Variants in PTPRZ1 observed in about 807,000 individuals in gnomAD.
PTPRZ1 encodes receptor-type tyrosine-protein phosphatase zeta.
Under a neutral mutation model 214.1 loss-of-function variants are expected in PTPRZ1, and 82 were observed. The observed-to-expected ratio is 0.38, with a 90% confidence interval of 0.32 to 0.46. The LOEUF (loss-of-function observed/expected upper bound fraction) is 0.46, where lower values mean the gene tolerates loss of function less well. PTPRZ1 is among the 20% of genes least tolerant of loss of function. The probability of loss-of-function intolerance (pLI) is 1.00; values close to 1 mark genes in which losing one functional copy is unlikely to be tolerated. For synonymous variants in PTPRZ1, 945 were observed against 987.9 expected (o/e 0.96, Z 0.81); for missense variants, 2,603 against 2,748.7 (o/e 0.95, Z 1.19).
At chr7:121,898,855 A>G (rs2116252718) in intron 1 of PTPRZ1, among the ~76,000 whole-genome samples, 1 of 152,332 alleles carries the variant, frequency 6.6e-6, no homozygotes, top group South Asian at 2.1e-4. Context: ...GAAAAAAGCT[A>G]GAACAGAGTG....
intron 6 of PTPRZ1, among the ~76,000 whole-genome samples, chr7:121,982,202 A>G (rs1797634417): frequency 6.6e-6 from 1 of 152,170 alleles, no homozygotes; most frequent in Admixed American, 6.6e-5. Context: ...TCAAATGATC[A>G]TATTTTTCTC....
intron 2 of PTPRZ1, among the ~76,000 whole-genome samples, chr7:121,958,471 A>T (rs1410986885): frequency 6.6e-6 from 1 of 152,208 alleles, no homozygotes; most frequent in Non-Finnish European, 1.5e-5. Flanking sequence ...AGTGCTTTCC[A>T]CCATCTTATC....
At chr7:121,940,336 G>T (rs1233584011) in intron 2 of PTPRZ1, among the ~76,000 whole-genome samples, 1 of 152,128 alleles carries the variant, frequency 6.6e-6, no homozygotes, top group African/African-American at 2.4e-5. Flanking sequence ...CTCCAAGAGG[G>T]GTACAGCTTC....
chr7:121,873,472 A>G lies in PTPRZ1; in HGVS notation c.-28A>G. On this transcript the variant is annotated 5_prime_UTR_variant, in exon 1 of 30. Transcript: ENST00000393386. ...CCACTCTGAGAAGCAGAGGAGCCGC[A>G]CGGCGAGGGGCCGCAGACCGTCTGG... The G allele has an allele frequency of 6.2e-7, 1 of 1,612,998 alleles. No individual in the cohort carries two copies. Among genetic ancestry groups the G allele is most frequent in the Non-Finnish European group, 8.5e-7 (1 of 1,179,766 alleles).
intron 11 of PTPRZ1, among the ~76,000 whole-genome samples, chr7:122,008,355 G>T (rs1049005671): frequency 1.3e-5 from 2 of 152,040 alleles, no homozygotes; most frequent in Non-Finnish European, 2.9e-5. Flanking sequence ...AGAGAGATCA[G>T]AGTTGATTTA....
chr7:121,887,429 C>T (rs561437805), intron 1 of PTPRZ1, among the ~76,000 whole-genome samples: 1 of 152,104 alleles, frequency 6.6e-6, no homozygotes, highest in Non-Finnish European at 1.5e-5. Context: ...GAATTCAGTT[C>T]ACCCTCAAAT....
intron 29 of PTPRZ1, among the ~76,000 whole-genome samples, 160 bp downstream of exon 29, chr7:122,060,048 A>T (rs550506931): frequency 6.6e-6 from 1 of 152,292 alleles, no homozygotes; most frequent in Non-Finnish European, 1.5e-5. Flanking sequence ...TAGAACAACA[A>T]CATTTAAAAT....
chr7:122,014,772 T>C lies in PTPRZ1; in HGVS notation c.4843+883T>C, dbSNP rs181132211. Among the ~76,000 whole-genome samples the C allele has an allele frequency of 4.1e-3, 617 of 152,316 alleles. 1 individual carries two copies. The highest frequency in any genetic ancestry group is 0.01 in the Admixed American group (154 of 15,292). ...TTTATGTATTTATTTATTTATTTAG[T>C]TTTATTACTAAGTTTTGAGAGTTAA... On this transcript the variant is annotated intron_variant, in intron 12 of 29. Transcript: ENST00000393386.
At chr7:121,985,990 C>T (rs927596457) in intron 8 of PTPRZ1, among the ~76,000 whole-genome samples, 2 of 152,202 alleles carry the variant, frequency 1.3e-5, no homozygotes, top group African/African-American at 2.4e-5. Context: ...ACTCCATTTC[C>T]ACATAATAAA....
At chr7:121,978,485 A>T (rs2116550527) in intron 6 of PTPRZ1, among the ~76,000 whole-genome samples, 1 of 152,310 alleles carries the variant, frequency 6.6e-6, no homozygotes, top group East Asian at 1.9e-4. Context: ...TGGCAGCATG[A>T]GAGAGAGAAT....
intron 1 of PTPRZ1, among the ~76,000 whole-genome samples, chr7:121,903,768 AAGAG>A (rs1795037331): frequency 6.6e-6 from 1 of 152,204 alleles, no homozygotes; most frequent in African/African-American, 2.4e-5. Context: ...AAGCAAGAAG[AAGAG>A]AGTTAATCCT....
chr7:122,038,767 C>T lies in PTPRZ1; in HGVS notation c.5380C>T (p.Pro1794Ser). 6.2e-7 allele frequency: 1 copy of T among 1,613,480 alleles called. No individual in the cohort carries two copies. Among genetic ancestry groups the T allele is most frequent in the South Asian group, 1.1e-5 (1 of 91,056 alleles). The change falls in exon 19 of 30, where the codon CCA (proline) becomes TCA (serine). Residue 1794 changes from proline (P) to serine (S), a missense_variant. Coordinates refer to ENST00000393386, the MANE Select transcript of PTPRZ1 (RefSeq NM_002851.3). ...TTTAATTCTTCAGGGCTACAACAGA[C>T]CAAAAGCTTATATTGCTGCCCAAGG... is the stretch of plus-strand genomic sequence containing the variant. ...NANYVDGYNR[P>S]KAYIAAQGPL...
At chr7:121,938,428 G>C (rs917777998) in intron 2 of PTPRZ1, among the ~76,000 whole-genome samples, 2 of 152,204 alleles carry the variant, frequency 1.3e-5, no homozygotes, top group African/African-American at 4.8e-5. Context: ...GACTATTTGT[G>C]TTACCCTATT....
At chr7:122,045,728 C>CA (rs997882909) in intron 23 of PTPRZ1, among the ~76,000 whole-genome samples, 3 of 145,894 alleles carry the variant, frequency 2.1e-5, no homozygotes, top group African/African-American at 7.5e-5. Context: ...TTACCCATTT[C>CA]AAAAAAACTC....
chr7:121,968,204 A>C, intron 3 of PTPRZ1, 74 bp downstream of exon 3: 1 of 1,343,226 alleles, frequency 7.4e-7, no homozygotes, highest in Non-Finnish European at 1.0e-6. Flanking sequence ...GTTTCATCTC[A>C]TTTTCCTTTG....
chr7:122,012,756 A>C lies in PTPRZ1; in HGVS notation c.3710A>C (p.His1237Pro), dbSNP rs779390929. ...TCTGCTTCAAGTGAAAACATGCTGC[A>C]CTCTACATCTGTACCAGTTTTTGAT... is the stretch of plus-strand genomic sequence containing the variant. ...SNSASSENML[H>P]STSVPVFDVS... is the part of the protein sequence containing the mutation. Residue 1237 changes from histidine (H) to proline (P), a missense_variant, in exon 12 of 30, where the codon CAC (histidine) becomes CCC (proline). This residue lies in a region of PTPRZ1 where 1,913 missense variants were observed against 1,914.3 expected (regional missense o/e 1.00). Transcript: ENST00000393386. 29 of 1,610,670 alleles carry C rather than the reference A, an allele frequency of 1.8e-5. No homozygotes were observed. Among genetic ancestry groups the C allele is most frequent in the Non-Finnish European group, 2.4e-5 (28 of 1,177,096 alleles).
intron 12 of PTPRZ1, among the ~76,000 whole-genome samples, chr7:122,015,987 G>T (rs1252692414): frequency 1.3e-5 from 2 of 151,994 alleles, no homozygotes; most frequent in African/African-American, 2.4e-5. Context: ...TTTATCAAAT[G>T]CATGCAGACT....
intron 22 of PTPRZ1, among the ~76,000 whole-genome samples, chr7:122,043,182 T>C (rs1387017166): frequency 6.6e-6 from 1 of 152,200 alleles, no homozygotes; most frequent in African/African-American, 2.4e-5. Flanking sequence ...CTTTAATATA[T>C]CTTTGTGGGG....
intron 1 of PTPRZ1, among the ~76,000 whole-genome samples, chr7:121,898,933 A>G (rs1794881420): frequency 6.6e-6 from 1 of 152,174 alleles, no homozygotes; most frequent in South Asian, 2.1e-4. Flanking sequence ...TTGATATGAG[A>G]TGAGACTACA....
Sources: allele counts gnomAD v4.1 joint callset (sites outside exome capture counted in the v4.1 genomes callset), GRCh38; gene constraint gnomAD v4.1.1; regional missense constraint gnomAD v4.1.1; transcripts MANE v1.5; gene names NCBI Gene and HGNC (gene_info 2026-07-23, HGNC 2026-07-21).